The following WDR17 variants were observed in gnomAD, a reference collection of about 807,000 sequenced individuals.
WDR17 encodes the protein WD repeat-containing protein 17.
WDR17 carries 143 observed loss-of-function variants against 161.7 expected under a neutral mutation model. The observed-to-expected ratio is 0.88, with a 90% CI of 0.77 to 1.02. The LOEUF is 1.02. Ranked by LOEUF, WDR17 falls within the 50% of genes least tolerant of loss-of-function variation. The pLI, the probability that WDR17 is intolerant of heterozygous loss-of-function variation, is 0.00. For synonymous variants in WDR17, 517 were observed against 515.6 expected (o/e 1.00, Z -0.04); for missense variants, 1,469 against 1,520.9 (o/e 0.97, Z 0.57).
At chr4:176,130,744 CAA>C (rs1241265294) in intron 6 of WDR17, among the ~76,000 whole-genome samples, 9 of 71,894 alleles carry the variant, frequency 1.3e-4, no homozygotes, top group African/African-American at 3.0e-4. Context: ...GACTCCGTCT[CAA>C]AAAAAAAAAA....
intron 1 of WDR17, among the ~76,000 whole-genome samples, chr4:176,111,023 C>T (rs976178163): frequency 2.6e-5 from 4 of 152,220 alleles, no homozygotes; most frequent in African/African-American, 7.2e-5. Context: ...CTGTCTTATG[C>T]ACCTCAAATA....
intron 8 of WDR17, among the ~76,000 whole-genome samples, chr4:176,136,536 T>C (rs1427699427): frequency 6.6e-6 from 1 of 151,662 alleles, no homozygotes; most frequent in Non-Finnish European, 1.5e-5. Flanking sequence ...ATCAAGAAAG[T>C]AAAAATGTTA....
chr4:176,106,034 G>A (rs1449687172), intron 1 of WDR17, among the ~76,000 whole-genome samples: 2 of 152,038 alleles, frequency 1.3e-5, no homozygotes, highest in African/African-American at 4.8e-5. Context: ...TTATAAGATA[G>A]TAGTAGGAAC....
intron 22 of WDR17, among the ~76,000 whole-genome samples, chr4:176,167,609 T>C (rs1234836029): frequency 1.7e-5 from 2 of 115,726 alleles, no homozygotes; most frequent in South Asian, 3.2e-4. Flanking sequence ...ATTGCGCCAC[T>C]GCACTCCAGC....
Position 176,182,597 on chromosome 4 carries a change from G to A in WDR17, c.*3018G>A, listed in dbSNP as rs1214705243. On this transcript the variant is annotated 3_prime_UTR_variant, in exon 29 of 29. Coordinates refer to ENST00000508596, the MANE Select transcript of WDR17 (RefSeq NM_181265.4). This position sits in a 1 kb window ranked among gnomAD's most constrained non-coding sequence, Gnocchi z 4.2. ...TGTAAAATTTAGTAGTTCATATTTA[G>A]TATATCAGTAATATAGAAGACATCT... is the stretch of plus-strand genomic sequence containing the variant. The A allele has an allele frequency of 6.6e-6, 1 of 151,856 alleles. No homozygotes were observed. The highest frequency in any genetic ancestry group is 1.5e-5 in the Non-Finnish European group (1 of 67,970). 9.4% of individuals were successfully genotyped at this position (151,856 alleles called of 1,614,324 possible). A position where few individuals can be genotyped will look rare whatever the true frequency, so the allele number is the denominator to read the frequency against.
chr4:176,160,275 T>TG, intron 19 of WDR17, 149 bp downstream of exon 19: 5 of 756,196 alleles, frequency 6.6e-6, no homozygotes, highest in African/African-American at 1.8e-5. Context: ...TTTCTCAACA[T>TG]TTGAGAACAT....
chr4:176,118,101 CCAACTTGAAAAAGT>C (rs1740926691), intron 3 of WDR17, among the ~76,000 whole-genome samples: 2 of 152,032 alleles, frequency 1.3e-5, no homozygotes, highest in Non-Finnish European at 2.9e-5. Flanking sequence ...AAAATTGTCA[CCAACTTGAAAAAGT>C]CACTTTATGT....
At chr4:176,170,386 G>A (rs11732513) in intron 23 of WDR17, among the ~76,000 whole-genome samples, 2 of 147,950 alleles carry the variant, frequency 1.4e-5, no homozygotes, top group African/African-American at 5.0e-5. Context: ...CACGAGCTCA[G>A]ATCAGTGCAA....
chr4:176,107,690 A>T (rs778943804), intron 1 of WDR17, among the ~76,000 whole-genome samples: 1 of 151,998 alleles, frequency 6.6e-6, no homozygotes, highest in South Asian at 2.1e-4. Flanking sequence ...TTTGAATCAG[A>T]TAAATCATGT....
intron 1 of WDR17, among the ~76,000 whole-genome samples, chr4:176,110,870 C>T (rs1739602805): frequency 6.6e-6 from 1 of 152,216 alleles, no homozygotes; most frequent in South Asian, 2.1e-4. Context: ...AGGCCTGCTT[C>T]TGCACTACGT....
At chr4:176,150,214 G>C (rs1441238921) in intron 15 of WDR17, 41 bp downstream of exon 15, 7 of 1,601,452 alleles carry the variant, frequency 4.4e-6, no homozygotes, top group Non-Finnish European at 5.1e-6. Flanking sequence ...TTTCCCTTTA[G>C]CCAACATGAA....
intron 1 of WDR17, 117 bp from the exon 2 acceptor site, chr4:176,111,458 A>G: frequency 9.0e-7 from 1 of 1,113,090 alleles, no homozygotes; most frequent in Non-Finnish European, 1.2e-6. Flanking sequence ...AATTAATAGT[A>G]CTAGTAAAAT....
chr4:176,163,008 C>G (rs931039610), intron 21 of WDR17, 146 bp from the exon 22 acceptor site: 16 of 1,086,082 alleles, frequency 1.5e-5, no homozygotes, highest in South Asian at 6.6e-5. Flanking sequence ...TACATAGCTA[C>G]TTTATAGGAA....
At chr4:176,112,654 A>G (rs1450855489) in intron 2 of WDR17, among the ~76,000 whole-genome samples, 2 of 151,926 alleles carry the variant, frequency 1.3e-5, no homozygotes, top group African/African-American at 4.8e-5. Flanking sequence ...TCCTGTATGA[A>G]CTCTTTTCCA....
chr4:176,159,963 ATT>A, intron 18 of WDR17, 29 bp from the exon 19 acceptor site: 1 of 1,539,596 alleles, frequency 6.5e-7, no homozygotes. Flanking sequence ...AAAATAATAT[ATT>A]GTTTAAAAAA....
At chr4:176,071,222 T>TAAAA (rs1457842609) in intron 1 of WDR17, among the ~76,000 whole-genome samples, 3 of 151,968 alleles carry the variant, frequency 2.0e-5, no homozygotes, top group Non-Finnish European at 4.4e-5. Context: ...TTATGACAAA[T>TAAAA]ATTTACTTAT....
Position 176,082,458 on chromosome 4 carries a change from A to C in WDR17, c.-7+16379A>C, listed in dbSNP as rs138894117. Among the ~76,000 whole-genome samples, 79 of 152,218 alleles carry C rather than the reference A, an allele frequency of 5.2e-4. 2 individuals are homozygous for C. Among genetic ancestry groups the C allele is most frequent in the Admixed American group, 4.5e-3 (68 of 15,260 alleles). On this transcript the variant is annotated intron_variant, in intron 1 of 28. Coordinates refer to ENST00000508596, the MANE Select transcript of WDR17 (RefSeq NM_181265.4). The stretch of plus-strand genomic sequence containing the variant: ...AATAGGCAACCTAAAAGTCGACCTG[A>C]GATTTGGCTGCATAACCGAGAAATG...
chr4:176,160,187 G>T, intron 19 of WDR17, 61 bp downstream of exon 19: 1 of 1,585,128 alleles, frequency 6.3e-7, no homozygotes, highest in South Asian at 1.2e-5. Context: ...GAAGGGAGAA[G>T]GTTGTGTTGA....
Position 176,115,991 on chromosome 4 carries a change from A to C in WDR17, c.307+12A>C. On this transcript the variant is annotated intron_variant, in intron 3 of 28. Transcript: ENST00000508596. ...CGACAGTACAAAAGGTATAATTACA[A>C]CTGGGATTTATTTTATGGAATAAAA... is the stretch of plus-strand genomic sequence containing the variant. 1 of 1,581,968 alleles carries C rather than the reference A, an allele frequency of 6.3e-7. No homozygotes were observed. The highest frequency in any genetic ancestry group is 1.2e-5 in the South Asian group (1 of 83,908).
Sources: gnomAD v4.1 joint callset for allele counts (sites outside exome capture counted in the v4.1 genomes callset) on GRCh38, gnomAD v4.1.1 for gene constraint, Gnocchi (gnomAD v3.1) non-coding constraint, MANE v1.5 for transcripts, NCBI Gene and HGNC (gene_info 2026-07-23, HGNC 2026-07-21) for gene names.